Variants in SLC7A2 observed in about 807,000 individuals in gnomAD.
SLC7A2 encodes cationic amino acid transporter 2.
SLC7A2 carries 48 observed loss-of-function variants against 58.9 expected under a neutral mutation model. That is an observed-to-expected ratio of 0.82 (90% CI 0.65 to 1.04). The LOEUF (loss-of-function observed/expected upper bound fraction) is 1.04. SLC7A2 is among the 50% of genes least tolerant of loss of function. The probability of loss-of-function intolerance (pLI) is 0.00; values close to 1 mark genes in which losing one functional copy is unlikely to be tolerated. For missense variants in SLC7A2, 1,029 were observed against 818.8 expected (o/e 1.26, Z -3.13); for synonymous variants, 363 against 314.5 (o/e 1.15, Z -1.63).
intron 2 of SLC7A2, among the ~76,000 whole-genome samples, chr8:17,515,769 A>T (rs923009814): frequency 6.6e-6 from 1 of 152,204 alleles, no homozygotes; most frequent in Non-Finnish European, 1.5e-5. Context: ...TAAATCTTAG[A>T]ATCTGAGTTG....
intron 1 of SLC7A2, chr8:17,498,596 C>T (rs1215101320): frequency 6.6e-6 from 1 of 152,166 alleles, no homozygotes; most frequent in Non-Finnish European, 1.5e-5. Context: ...TCTGGGAGGC[C>T]ACTTTATTGT....
intron 2 of SLC7A2, among the ~76,000 whole-genome samples, chr8:17,521,181 A>G (rs1801000195): frequency 6.6e-6 from 1 of 152,242 alleles, no homozygotes; most frequent in Non-Finnish European, 1.5e-5. Context: ...ATACATTTAA[A>G]ATATGAAATT....
At chr8:17,507,062 A>T (rs746971213) in intron 2 of SLC7A2, among the ~76,000 whole-genome samples, 13 of 151,414 alleles carry the variant, frequency 8.6e-5, no homozygotes, top group Non-Finnish European at 1.9e-4. Context: ...CCCCTGCCTC[A>T]GCCTCCCAGG....
In SLC7A2 at chr8:17,544,159, G is replaced by A. The variant is rs538430477; in HGVS notation, c.377-292G>A. ...TGCTGGGATTGCAGGTGTGAGCCAC[G>A]GCACCCGGCCACAAAATTCTGTGAT... On this transcript the variant is annotated intron_variant, in intron 3 of 12. Transcript: ENST00000494857. Among the ~76,000 whole-genome samples the A allele has an allele frequency of 1.1e-4, 17 of 152,190 alleles. 1 individual carries two copies. In the South Asian group the frequency reaches 3.1e-3, roughly 28 times the overall value.
intron 2 of SLC7A2, among the ~76,000 whole-genome samples, chr8:17,532,448 C>G (rs7016165): frequency 2.1e-3 from 323 of 152,106 alleles, no homozygotes; most frequent in African/African-American, 7.7e-3. Context: ...GGCCAGTTTA[C>G]TTGTCCTTTT....
At chr8:17,543,822 G>A (rs569519197) in intron 3 of SLC7A2, 107 bp downstream of exon 3, 5 of 983,108 alleles carry the variant, frequency 5.1e-6, no homozygotes, top group Non-Finnish European at 5.8e-6. Flanking sequence ...CTTGATGTCT[G>A]TGTGTCTCAT....
chr8:17,526,501 C>G (rs1470396300), intron 2 of SLC7A2, among the ~76,000 whole-genome samples: 2 of 152,102 alleles, frequency 1.3e-5, no homozygotes, highest in Non-Finnish European at 2.9e-5. Context: ...ACTGTTAAAA[C>G]TAGTTCACAA....
At chr8:17,554,423 CAT>C in intron 7 of SLC7A2, 135 bp from the exon 8 acceptor site, 1 of 651,348 alleles carries the variant, frequency 1.5e-6, no homozygotes, top group Non-Finnish European at 2.3e-6. Context: ...AAAATAATGA[CAT>C]AATTATTAAT....
At chr8:17,533,924 C>T (rs1296943517) in intron 2 of SLC7A2, among the ~76,000 whole-genome samples, 1 of 152,184 alleles carries the variant, frequency 6.6e-6, no homozygotes, top group Non-Finnish European at 1.5e-5. Context: ...CTCAGCCCAC[C>T]CCCTGACAGG....
chr8:17,510,724 C>A lies in SLC7A2; in HGVS notation c.-23+8422C>A, dbSNP rs540318864. On this transcript the variant is annotated intron_variant, in intron 2 of 12. Transcript: ENST00000494857. ...GGATCTAGAGCCAGAAATGAAATACCATTTGGCCCAGCAGTCCCATCATGG... is the reference window on the plus strand; with the variant it reads ...GGATCTAGAGCCAGAAATGAAATACAATTTGGCCCAGCAGTCCCATCATGG... 3.3e-5 allele frequency: 5 copies of A among 152,224 alleles called. No individual in the cohort carries two copies. In the East Asian group the frequency reaches 9.7e-4, roughly 29 times the overall value. 9.4% of individuals were successfully genotyped at this position (152,224 alleles called of 1,614,324 possible).
intron 2 of SLC7A2, among the ~76,000 whole-genome samples, chr8:17,507,342 G>A (rs1012008278): frequency 2.0e-5 from 3 of 151,378 alleles, no homozygotes; most frequent in African/African-American, 7.3e-5. Flanking sequence ...TTAAAAAGCT[G>A]GAAACTATTT....
intron 4 of SLC7A2, among the ~76,000 whole-genome samples, chr8:17,548,031 G>A (rs912116272): frequency 1.2e-4 from 19 of 152,170 alleles, no homozygotes; most frequent in African/African-American, 3.1e-4. Flanking sequence ...ATGTTTTAGC[G>A]TTTACTTTTT....
At chr8:17,530,794 A>T (rs1002537496) in intron 2 of SLC7A2, among the ~76,000 whole-genome samples, 7 of 151,626 alleles carry the variant, frequency 4.6e-5, no homozygotes, top group African/African-American at 1.7e-4. Flanking sequence ...CTGGTCTCAA[A>T]CTCCTGACCT....
At chr8:17,560,300 A>G (rs774987922) in intron 9 of SLC7A2, 28 bp from the exon 10 acceptor site, 20 of 1,576,250 alleles carry the variant, frequency 1.3e-5, no homozygotes, top group East Asian at 9.0e-5. Flanking sequence ...ATTTGAGAAT[A>G]AAGACATAGA....
chr8:17,502,904 C>T (rs1800220504), intron 2 of SLC7A2, among the ~76,000 whole-genome samples: 2 of 151,950 alleles, frequency 1.3e-5, no homozygotes, highest in South Asian at 4.2e-4. Context: ...GTGCTGGGTG[C>T]ATGTTCATTA....
intron 2 of SLC7A2, among the ~76,000 whole-genome samples, chr8:17,513,350 C>G (rs987554100): frequency 2.0e-5 from 3 of 151,804 alleles, no homozygotes; most frequent in Non-Finnish European, 2.9e-5. Flanking sequence ...TAGTAGTCAT[C>G]CTAAGGGATA....
intron 2 of SLC7A2, among the ~76,000 whole-genome samples, chr8:17,533,244 T>C (rs908346314): frequency 1.3e-5 from 2 of 152,242 alleles, no homozygotes; most frequent in Non-Finnish European, 2.9e-5. Context: ...GATAAAAATC[T>C]ATGCTCATAC....
intron 2 of SLC7A2, among the ~76,000 whole-genome samples, chr8:17,530,054 G>A (rs995096987): frequency 5.9e-5 from 9 of 152,008 alleles, no homozygotes; most frequent in East Asian, 1.9e-4. Flanking sequence ...CTCTCTTGCC[G>A]GCTTCTCTTG....
At position 17,565,088 on chromosome 8, in the gene SLC7A2, A is replaced by G. The variant is rs1250935558; in HGVS notation, c.1919A>G (p.His640Arg). Residue 640 changes from histidine to arginine, a missense_variant, in exon 13 of 13, where the codon CAT becomes CGT. By Grantham distance (29) the His-to-Arg change is conservative. Coordinates refer to ENST00000494857, the MANE Select transcript of SLC7A2 (RefSeq NM_001370338.1). ...AAATCTGCCATTCAAGCAAATGACC[A>G]TCACCCAAGAAATCTCAGTTCACCT... The part of the protein sequence containing the change: ...EEKSAIQAND[H>R]HPRNLSSPFI... 7 of 1,613,924 alleles carry G rather than the reference A, an allele frequency of 4.3e-6. No homozygotes were observed. The highest frequency in any genetic ancestry group is 2.7e-5 in the African/African-American group (2 of 74,938).
Sources: allele counts gnomAD v4.1 joint callset (sites outside exome capture counted in the v4.1 genomes callset), GRCh38; gene constraint gnomAD v4.1.1; transcripts MANE v1.5; gene names NCBI Gene and HGNC (gene_info 2026-07-23, HGNC 2026-07-21).